The following MACC1 variants were observed in gnomAD, a reference collection of about 807,000 sequenced individuals.
MACC1 encodes MET transcriptional regulator MACC1, also known as metastasis-associated in colon cancer protein 1.
A neutral mutation model predicts 70.7 loss-of-function variants in MACC1; 79 were observed. That is an observed-to-expected ratio of 1.12 (90% CI 0.93 to 1.35). The LOEUF is 1.35. MACC1 is among the 40% of genes most tolerant of loss of function. The pLI is 0.00. For synonymous variants in MACC1, 361 were observed against 347.2 expected (o/e 1.04, Z -0.44); for missense variants, 1,106 against 978.1 (o/e 1.13, Z -1.74).
intron 1 of MACC1, among the ~76,000 whole-genome samples, chr7:20,183,671 C>A (rs899130986): frequency 1.3e-5 from 2 of 151,266 alleles, no homozygotes; most frequent in African/African-American, 4.9e-5. Flanking sequence ...CTAATTCCAA[C>A]AGTTATTCAA....
Position 20,180,796 on chromosome 7 carries a change from G to A in MACC1, c.-217-10018C>T, listed in dbSNP as rs372781501. 2.0e-5 allele frequency among the ~76,000 whole-genome samples: 3 copies of A among 152,126 alleles called. No homozygotes were observed. The South Asian group carries it at 6.2e-4, about 32-fold the overall frequency. On this transcript the variant is annotated intron_variant, in intron 1 of 6. Coordinates refer to ENST00000400331, the MANE Select transcript of MACC1 (RefSeq NM_182762.4). ...CGGGAAGCAGAGGTTTCAGTGAGGT[G>A]AGATTTCACCACTGCACTCCAGCAT...
rs931702027 is a variant in MACC1, at chr7:20,159,329, C to T, written c.1032G>A (p.Met344Ile). ...TAGCTTGTGCAGCAACCACTAGATACATTACCTGACTCAAGTCGATTAGCT... is the reference window on the plus strand; with the variant it reads ...TAGCTTGTGCAGCAACCACTAGATATATTACCTGACTCAAGTCGATTAGCT... The part of the protein sequence containing the change: ...QVKLIDLSQV[M>I]YLVVAAQAKA... Residue 344 changes from methionine to isoleucine, a missense_variant, in exon 5 of 7, where the codon ATG (methionine) becomes ATA (isoleucine). Met to Ile is a conservative substitution (Grantham distance 10). Transcript: ENST00000400331. 4 of 1,614,116 alleles carry T rather than the reference C, an allele frequency of 2.5e-6. No individual in the cohort carries two copies. Among genetic ancestry groups the T allele is most frequent in the Non-Finnish European group, 3.4e-6 (4 of 1,180,004 alleles).
intron 5 of MACC1, among the ~76,000 whole-genome samples, chr7:20,156,556 G>A (rs1040304553): frequency 6.6e-6 from 1 of 152,334 alleles, no homozygotes; most frequent in African/African-American, 2.4e-5. Context: ...GAGTTAATGA[G>A]CTATTACAAA....
chr7:20,205,156 G>A (rs1186299557), intron 1 of MACC1, among the ~76,000 whole-genome samples: 1 of 152,078 alleles, frequency 6.6e-6, no homozygotes, highest in Non-Finnish European at 1.5e-5. Context: ...TTTTCATGAT[G>A]TCAAAACAGA....
At chr7:20,190,187 C>A (rs1782652023) in intron 1 of MACC1, among the ~76,000 whole-genome samples, 1 of 152,174 alleles carries the variant, frequency 6.6e-6, no homozygotes, top group South Asian at 2.1e-4. Context: ...ACATGGGACT[C>A]TGATTTCTAT....
At chr7:20,188,066 A>G (rs1447549065) in intron 1 of MACC1, among the ~76,000 whole-genome samples, 1 of 152,170 alleles carries the variant, frequency 6.6e-6, no homozygotes, top group Non-Finnish European at 1.5e-5. Context: ...GTGCCGAGCA[A>G]AAAGGGGGAA....
chr7:20,163,455 A>T (rs1192306214), intron 3 of MACC1, among the ~76,000 whole-genome samples: 2 of 152,264 alleles, frequency 1.3e-5, no homozygotes, highest in Non-Finnish European at 2.9e-5. Context: ...TGCATCAAAG[A>T]GATATACATG....
intron 1 of MACC1, among the ~76,000 whole-genome samples, chr7:20,181,644 T>C (rs943663412): frequency 2.0e-5 from 3 of 152,010 alleles, no homozygotes; most frequent in Non-Finnish European, 4.4e-5. Flanking sequence ...TGGTAAAGAG[T>C]ATTTGCCATA....
In MACC1 at chr7:20,158,593, C is replaced by CAAT. The variant is rs1782090139; in HGVS notation, c.1765_1767dup (p.Ile589dup). ...TACCATTCTTTCACTTTGGACTGACCAATAGCTTTTACCTTACCTTCCCCG... is the reference window on the plus strand; with the variant it reads ...TACCATTCTTTCACTTTGGACTGACCAATAATAGCTTTTACCTTACCTTCCCCG... On this transcript the variant is annotated inframe_insertion, in exon 5 of 7. Transcript: ENST00000400331. 6.2e-7 allele frequency: 1 copy of CAAT among 1,613,944 alleles called. No homozygotes were observed. The highest frequency in any genetic ancestry group is 1.6e-4 in the Middle Eastern group (1 of 6,062).
intron 5 of MACC1, among the ~76,000 whole-genome samples, chr7:20,156,159 C>G (rs1449005460): frequency 6.6e-6 from 1 of 152,102 alleles, no homozygotes; most frequent in African/African-American, 2.4e-5. Flanking sequence ...CGGGTCGCTC[C>G]CTGCCACACC....
intron 6 of MACC1, among the ~76,000 whole-genome samples, chr7:20,146,886 T>A (rs926624118): frequency 6.6e-6 from 1 of 152,256 alleles, no homozygotes; most frequent in Non-Finnish European, 1.5e-5. Context: ...AGATTTTTAA[T>A]GGTAACTTCA....
rs117769840 is a variant in MACC1 at position 20,207,821 on chromosome 7, G to A, written c.-218+9478C>T. Among the ~76,000 whole-genome samples, 91 of 152,118 alleles carry A rather than the reference G, an allele frequency of 6.0e-4. 2 individuals carry two copies. The East Asian group carries it at 0.017, about 28-fold the overall frequency. ...TATCCATTCATAATATCTATCATTG[G>A]CATTAAAAGGTTAACAGGATATACA... On this transcript the variant is annotated intron_variant, in intron 1 of 6. Transcript: ENST00000400331.
Position 20,134,675 on chromosome 7 carries a change from C to T in MACC1, c.*6271G>A, listed in dbSNP as rs1478639576. 6.6e-6 allele frequency: 1 copy of T among 152,166 alleles called. No individual in the cohort carries two copies. Among genetic ancestry groups the T allele is most frequent in the African/African-American group, 2.4e-5 (1 of 41,432 alleles). 9.4% of individuals were successfully genotyped at this position (152,166 alleles called of 1,614,324 possible). A position where few individuals can be genotyped will look rare whatever the true frequency, so the allele number is the denominator to read the frequency against. On this transcript the variant is annotated 3_prime_UTR_variant, in exon 7 of 7. Coordinates refer to ENST00000400331, the MANE Select transcript of MACC1 (RefSeq NM_182762.4). Reference sequence around the variant, plus strand: ...AAAGATTTGATTTTTCAATGACTCACTCTATTTTCATGAACAAGTTAAATG... The same window carrying T: ...AAAGATTTGATTTTTCAATGACTCATTCTATTTTCATGAACAAGTTAAATG...
At position 20,166,543 on chromosome 7, in the gene MACC1, T is replaced by C. The variant is rs114453711; in HGVS notation, c.-152-2144A>G. On this transcript the variant is annotated intron_variant, in intron 2 of 6. Coordinates refer to ENST00000400331, the MANE Select transcript of MACC1 (RefSeq NM_182762.4). ...ATACACAAGCATACTTTCTCCCAGT[T>C]ATTAAATACTTCAAGTGTTGCAGCT... Among the ~76,000 whole-genome samples the C allele has an allele frequency of 2.0e-5, 3 of 152,146 alleles. No individual in the cohort carries two copies. The East Asian group carries it at 5.8e-4, about 29-fold the overall frequency.
chr7:20,160,464 T>TA (rs1782125618), intron 4 of MACC1, among the ~76,000 whole-genome samples: 1 of 152,200 alleles, frequency 6.6e-6, no homozygotes, highest in Non-Finnish European at 1.5e-5. Flanking sequence ...TTTTTGAACA[T>TA]ATGTAATGTT....
chr7:20,216,399 T>A (rs1217096764), intron 1 of MACC1, among the ~76,000 whole-genome samples: 1 of 152,130 alleles, frequency 6.6e-6, no homozygotes, highest in South Asian at 2.1e-4. Flanking sequence ...TGTTTACACT[T>A]ACAAATTTTA....
intron 1 of MACC1, among the ~76,000 whole-genome samples, chr7:20,177,556 A>G (rs1782413449): frequency 1.3e-5 from 2 of 152,020 alleles, no homozygotes; most frequent in Non-Finnish European, 2.9e-5. Context: ...CTTTATCCCT[A>G]TAAGTGCTTT....
At chr7:20,162,364 G>A (rs549975167) in intron 3 of MACC1, among the ~76,000 whole-genome samples, 1 of 152,190 alleles carries the variant, frequency 6.6e-6, no homozygotes, top group South Asian at 2.1e-4. Flanking sequence ...GGATAAAATT[G>A]TATGTATTTA....
Position 20,136,884 on chromosome 7 carries a change from A to C in MACC1, c.*4062T>G, listed in dbSNP as rs1197845290. 7.1e-6 allele frequency: 1 copy of C among 140,708 alleles called. No homozygotes were observed. Among genetic ancestry groups the C allele is most frequent in the Non-Finnish European group, 1.6e-5 (1 of 62,178 alleles). The allele number at this position is 140,708 out of a possible 1,614,324, so 8.7% of individuals were successfully genotyped here. On this transcript the variant is annotated 3_prime_UTR_variant, in exon 7 of 7. Transcript: ENST00000400331. ...TAATTCTTAAAGATTATTAATTATA[A>C]TATTAAATTATATTATTAATTCTTA...
Sources: gnomAD v4.1 joint callset for allele counts (sites outside exome capture counted in the v4.1 genomes callset) on GRCh38, gnomAD v4.1.1 for gene constraint, MANE v1.5 for transcripts, NCBI Gene and HGNC (gene_info 2026-07-23, HGNC 2026-07-21) for gene names.